PHF21A: variants seen among roughly 807,000 people sequenced by gnomAD.
PHF21A encodes PHD finger protein 21A.
A neutral mutation model predicts 82.5 loss-of-function variants in PHF21A; 11 were observed. The observed-to-expected ratio is 0.13, with a 90% CI of 0.08 to 0.22. The LOEUF is 0.22. Among genes scored for constraint, PHF21A ranks in the 10% least tolerant of loss-of-function variants. PHF21A has a pLI of 1.00. For synonymous variants in PHF21A, 297 were observed against 302.8 expected (o/e 0.98, Z 0.20); for missense variants, 579 against 837.8 (o/e 0.69, Z 3.81).
At chr11:45,934,676 G>A in intron 18 of PHF21A, 1 of 305,138 alleles carries the variant, frequency 3.3e-6, no homozygotes, top group Non-Finnish European at 6.4e-6. Flanking sequence ...AACACACAGT[G>A]CTATCTGGAT....
intron 6 of PHF21A, among the ~76,000 whole-genome samples, chr11:46,044,820 A>G (rs2096229619): frequency 6.6e-6 from 1 of 152,170 alleles, no homozygotes; most frequent in Non-Finnish European, 1.5e-5. Context: ...CAAAACAAAC[A>G]TATACAAAAA....
chr11:46,067,328 A>G (rs753051511), intron 6 of PHF21A, among the ~76,000 whole-genome samples: 1 of 152,156 alleles, frequency 6.6e-6, no homozygotes, highest in African/African-American at 2.4e-5. Flanking sequence ...TATGAGTTCA[A>G]TGGGGAGGCG....
chr11:46,006,656 T>C (rs1233215712), intron 6 of PHF21A, among the ~76,000 whole-genome samples: 1 of 152,218 alleles, frequency 6.6e-6, no homozygotes, highest in Non-Finnish European at 1.5e-5. Context: ...CTGAAACTAG[T>C]TTACAACAGG....
At chr11:46,032,700 C>G (rs1388698606) in intron 6 of PHF21A, among the ~76,000 whole-genome samples, 1 of 152,084 alleles carries the variant, frequency 6.6e-6, no homozygotes, top group Non-Finnish European at 1.5e-5. Context: ...GCCTGTTTGT[C>G]TATCTCTTAC....
At chr11:46,066,782 A>G (rs2096599343) in intron 6 of PHF21A, among the ~76,000 whole-genome samples, 2 of 152,222 alleles carry the variant, frequency 1.3e-5, no homozygotes, top group African/African-American at 4.8e-5. Context: ...AGCTCTCTTG[A>G]ACCTCACTTC....
intron 8 of PHF21A, chr11:45,970,436 A>T (rs1444631538): frequency 6.5e-6 from 1 of 152,962 alleles, no homozygotes; most frequent in African/African-American, 2.4e-5. Flanking sequence ...AAAAGCCACC[A>T]AGAGCTCTTA....
chr11:46,086,690 T>C (rs1034309931), intron 3 of PHF21A, among the ~76,000 whole-genome samples: 1 of 152,242 alleles, frequency 6.6e-6, no homozygotes, highest in East Asian at 1.9e-4. Context: ...TGATTCCTTA[T>C]AATTTTTGTC....
At chr11:46,041,377 A>T (rs569090981) in intron 6 of PHF21A, among the ~76,000 whole-genome samples, 19 of 152,360 alleles carry the variant, frequency 1.2e-4, no homozygotes, top group African/African-American at 4.6e-4. Flanking sequence ...CACTGTGCGT[A>T]CTTCTTTCGA....
chr11:45,964,250 T>A (rs1314042356), intron 10 of PHF21A, among the ~76,000 whole-genome samples: 1 of 100,948 alleles, frequency 9.9e-6, no homozygotes, highest in African/African-American at 3.4e-5. Flanking sequence ...TTTCTGAATG[T>A]TTCTCAAAGC....
intron 6 of PHF21A, among the ~76,000 whole-genome samples, chr11:46,067,019 T>C (rs1003284899): frequency 2.6e-5 from 4 of 152,268 alleles, no homozygotes; most frequent in Admixed American, 2.6e-4. Context: ...CATTATTTTT[T>C]AACAGCTACA....
In PHF21A at chr11:46,087,766, T is replaced by C. The variant is rs528570417; in HGVS notation, c.-84+2689A>G. On this transcript the variant is annotated intron_variant, in intron 3 of 18. Coordinates refer to ENST00000676320, the MANE Select transcript of PHF21A (RefSeq NM_001352027.3). ...ACATGCTGAATATTTTGAAAAAATT[T>C]TTTTCCTGAGATAGGGTCTTACTGT... Among the ~76,000 whole-genome samples, 233 of 152,220 alleles carry C rather than the reference T, an allele frequency of 1.5e-3. 2 individuals are homozygous for C. Among genetic ancestry groups the C allele is most frequent in the African/African-American group, 5.5e-3 (229 of 41,538 alleles).
Position 46,067,299 on chromosome 11 carries a change from G to A in PHF21A, c.153+9455C>T, listed in dbSNP as rs561895659. On this transcript the variant is annotated intron_variant, in intron 6 of 18. Transcript: ENST00000676320. ...ACACAGCATAACAAGTATCTGAAAA[G>A]TCTAGAGGGTAAGGTATGTATGAGT... Among the ~76,000 whole-genome samples, 5 of 152,264 alleles carry A rather than the reference G, an allele frequency of 3.3e-5. No individual in the cohort carries two copies. The South Asian group carries it at 1.0e-3, about 32-fold the overall frequency.
intron 6 of PHF21A, among the ~76,000 whole-genome samples, chr11:45,998,431 T>G (rs1264747252): frequency 6.6e-6 from 1 of 152,212 alleles, no homozygotes; most frequent in Non-Finnish European, 1.5e-5. Flanking sequence ...ATGTAGTATA[T>G]TAACAAGTTA....
chr11:45,995,325 G>T (rs1172896705), intron 6 of PHF21A, among the ~76,000 whole-genome samples: 2 of 152,176 alleles, frequency 1.3e-5, no homozygotes, highest in African/African-American at 4.8e-5. Context: ...ACACAAAAGT[G>T]CAATGTTTAA....
intron 10 of PHF21A, among the ~76,000 whole-genome samples, chr11:45,961,172 C>T (rs571785788): frequency 5.3e-5 from 8 of 152,318 alleles, no homozygotes; most frequent in Non-Finnish European, 1.0e-4. Context: ...ATCTCCTCTT[C>T]GAACCCACGG....
chr11:46,109,697 T>C (rs765699221), intron 1 of PHF21A, among the ~76,000 whole-genome samples: 3 of 152,102 alleles, frequency 2.0e-5, no homozygotes, highest in East Asian at 1.9e-4. Flanking sequence ...AATTTGTCTA[T>C]TGGGCCAGGC....
Position 45,989,728 on chromosome 11 carries a change from G to GTGGC in PHF21A, c.154-9766_154-9763dup, listed in dbSNP as rs574769859. Among the ~76,000 whole-genome samples the GTGGC allele has an allele frequency of 4.4e-3, 674 of 152,024 alleles. 9 individuals carry two copies. The highest frequency in any genetic ancestry group is 0.016 in the African/African-American group (645 of 41,520). On this transcript the variant is annotated intron_variant, in intron 6 of 18. Coordinates refer to ENST00000676320, the MANE Select transcript of PHF21A (RefSeq NM_001352027.3). ...AAAATAAAAAATTTAGCTGGGCACAGTGGCTCATGCCTATAATTCCAGCAC... is the reference window on the plus strand; with the variant it reads ...AAAATAAAAAATTTAGCTGGGCACAGTGGCTGGCTCATGCCTATAATTCCAGCAC...
At chr11:46,062,342 G>A (rs1380092823) in intron 6 of PHF21A, among the ~76,000 whole-genome samples, 1 of 152,076 alleles carries the variant, frequency 6.6e-6, no homozygotes, top group East Asian at 1.9e-4. Flanking sequence ...AGCCAGGCAT[G>A]AGACTTTCTG....
intron 6 of PHF21A, among the ~76,000 whole-genome samples, chr11:45,980,457 T>G (rs2094230548): frequency 6.6e-6 from 1 of 152,214 alleles, no homozygotes; most frequent in Non-Finnish European, 1.5e-5. Flanking sequence ...AATGACTTGT[T>G]ATATGGAAAG....
Sources: allele counts gnomAD v4.1 joint callset (sites outside exome capture counted in the v4.1 genomes callset), GRCh38; gene constraint gnomAD v4.1.1; transcripts MANE v1.5; gene names NCBI Gene and HGNC (gene_info 2026-07-23, HGNC 2026-07-21).